Variants in FBXW9 observed in about 807,000 individuals in gnomAD.
FBXW9 encodes F-box and WD repeat domain containing 9, also known as F-box/WD repeat-containing protein 9.
A neutral mutation model predicts 55.8 loss-of-function variants in FBXW9; 38 were observed. The ratio of observed to expected loss-of-function variants is 0.68; its 90% CI spans 0.53 to 0.89. The LOEUF is 0.89. Ranked by LOEUF, FBXW9 falls within the 40% of genes least tolerant of loss-of-function variation. The pLI is 0.00. For synonymous variants in FBXW9, 289 were observed against 278.2 expected, an observed-to-expected ratio of 1.04 and a Z score of -0.38; for missense variants, 590 against 619.4, an observed-to-expected ratio of 0.95 and a Z score of 0.50.
In FBXW9 at chr19:12,689,726, G is replaced by A. The variant is rs866477826; in HGVS notation, c.1146+35C>T. The A allele has an allele frequency of 3.1e-6, 5 of 1,609,832 alleles. No individual in the cohort carries two copies. Among genetic ancestry groups the A allele is most frequent in the Non-Finnish European group, 3.4e-6 (4 of 1,176,426 alleles). Reference sequence around the variant, plus strand: ...GGCTCGGGTAGGAAGGAAGCCCGGGGGGAGGGACAGTCAGGGGCAGGAGCT... The same window carrying A: ...GGCTCGGGTAGGAAGGAAGCCCGGGAGGAGGGACAGTCAGGGGCAGGAGCT... On this transcript the variant is annotated intron_variant, in intron 7 of 9. Transcript: ENST00000393261. This position sits in a 1 kb window ranked among gnomAD's most constrained non-coding sequence, Gnocchi z 5.9.
Position 12,696,491 on chromosome 19 carries a change from T to C in FBXW9, c.91A>G (p.Lys31Glu), listed in dbSNP as rs754133669. 1.2e-6 allele frequency: 2 copies of C among 1,612,794 alleles called. No homozygotes were observed. Among genetic ancestry groups the C allele is most frequent in the Admixed American group, 1.7e-5 (1 of 60,024 alleles). The change falls in exon 1 of 10, where the codon AAG becomes GAG. Residue 31 changes from lysine (K) to glutamate (E), a missense_variant. Coordinates refer to ENST00000393261, the MANE Select transcript of FBXW9 (RefSeq NM_032301.3). ...CTGAGAACGCGGGCCACGTAGGCCT[T>C]GGCCTGCGCGTCTGGGTCTGTCTCT... ...ESETDPDAQA[K>E]AYVARVLSPP...
rs766773227 is a variant in FBXW9, at chr19:12,689,861, A to G, written c.1046T>C (p.Leu349Pro). Reference protein sequence around the residue: ...VLQRLQLDSYLLCMSYQEPQL... With the variant: ...VLQRLQLDSYPLCMSYQEPQL... ...GGGTTCCTGGTAGGACATGCAGAGC[A>G]GGTAGGAGTCCAGCTACGAGAGGGA... is the stretch of plus-strand genomic sequence containing the variant. Residue 349 changes from leucine to proline, a missense_variant, in exon 7 of 10, where the codon CTG becomes CCG. Transcript: ENST00000393261. This position sits in a 1 kb window ranked among gnomAD's most constrained non-coding sequence, Gnocchi z 5.9. 1 of 1,614,084 alleles carries G rather than the reference A, an allele frequency of 6.2e-7. No homozygotes were observed. Among genetic ancestry groups the G allele is most frequent in the South Asian group, 1.1e-5 (1 of 91,090 alleles).
At chr19:12,693,882 C>T (rs1258471322) in intron 3 of FBXW9, among the ~76,000 whole-genome samples, 1 of 150,456 alleles carries the variant, frequency 6.6e-6, no homozygotes, top group Non-Finnish European at 1.5e-5. Context: ...CAGAGGGAGA[C>T]TCTGTCTCAA....
At chr19:12,693,529 A>AATAT (rs1386860076) in intron 3 of FBXW9, among the ~76,000 whole-genome samples, 2 of 21,270 alleles carry the variant, frequency 9.4e-5, no homozygotes, top group African/African-American at 2.3e-4. Context: ...AAAAAAAAAA[A>AATAT]ATATATATAT....
intron 3 of FBXW9, 58 bp downstream of exon 3, chr19:12,694,536 C>A (rs1477744259): frequency 3.2e-6 from 5 of 1,576,852 alleles, no homozygotes; most frequent in Admixed American, 3.5e-5. Context: ...AAACCTGGGG[C>A]CTTAACCAAG....
rs929558780 is a variant in FBXW9, at chr19:12,696,133, C to A, written c.409+40G>T. On this transcript the variant is annotated intron_variant, in intron 1 of 9. Coordinates refer to ENST00000393261, the MANE Select transcript of FBXW9 (RefSeq NM_032301.3). The stretch of plus-strand genomic sequence containing the variant: ...CCGCCCCAAGCCTGACCTGGGCGGG[C>A]GCCCCCGGCCCCCGGTCCCCGGCCC... The A allele has an allele frequency of 2.4e-4, 356 of 1,491,100 alleles. 1 individual carries two copies. Among genetic ancestry groups the A allele is most frequent in the Non-Finnish European group, 3.0e-4 (340 of 1,129,070 alleles). 92.4% of individuals were successfully genotyped at this position (1,491,100 alleles called of 1,614,324 possible).
intron 5 of FBXW9, 55 bp from the exon 6 acceptor site, chr19:12,690,165 C>CG: frequency 6.2e-7 from 1 of 1,609,092 alleles, no homozygotes; most frequent in Non-Finnish European, 8.5e-7. Context: ...GAAGGCCCCC[C>CG]CCAGCCCATG....
Position 12,696,501 on chromosome 19 carries a change from G to C in FBXW9, c.81C>G (p.Asp27Glu), listed in dbSNP as rs151118454. ...GGGCCACGTAGGCCTTGGCCTGCGC[G>C]TCTGGGTCTGTCTCTGACTCTGGGT... The part of the protein sequence containing the change: ...DSDPESETDP[D>E]AQAKAYVARV... Residue 27 changes from aspartate (D) to glutamate (E), a missense_variant, in exon 1 of 10, where the codon GAC becomes GAG. By Grantham distance (45) the Asp-to-Glu change is conservative. Coordinates refer to ENST00000393261, the MANE Select transcript of FBXW9 (RefSeq NM_032301.3). 8.7e-6 allele frequency: 14 copies of C among 1,612,726 alleles called. No individual in the cohort carries two copies. Among genetic ancestry groups the C allele is most frequent in the Non-Finnish European group, 1.2e-5 (14 of 1,180,004 alleles).
In FBXW9 at chr19:12,696,527, C is replaced by A; in HGVS notation, c.55G>T (p.Asp19Tyr). The change falls in exon 1 of 10, where the codon GAC becomes TAC. Residue 19 changes from aspartate (D) to tyrosine (Y), a missense_variant. Physicochemically the swap from Asp to Tyr is radical, Grantham distance 160. Coordinates refer to ENST00000393261, the MANE Select transcript of FBXW9 (RefSeq NM_032301.3). ...TCTGGGTCTGTCTCTGACTCTGGGTCCGAGTCATCGTCCCAGGTGCGGGAA... is the reference window on the plus strand; with the variant it reads ...TCTGGGTCTGTCTCTGACTCTGGGTACGAGTCATCGTCCCAGGTGCGGGAA... ...DDSRTWDDDSDPESETDPDAQ... is the reference protein window; with the variant it reads ...DDSRTWDDDSYPESETDPDAQ... The A allele has an allele frequency of 2.5e-6, 4 of 1,612,684 alleles. No individual in the cohort carries two copies. The highest frequency in any genetic ancestry group is 3.4e-6 in the Non-Finnish European group (4 of 1,180,000).
intron 3 of FBXW9, among the ~76,000 whole-genome samples, chr19:12,694,016 T>C (rs2145409349): frequency 6.7e-6 from 1 of 149,320 alleles, no homozygotes; most frequent in Middle Eastern, 3.8e-3. Flanking sequence ...GGTGAAACCC[T>C]GTCTCTACCA....
intron 3 of FBXW9, among the ~76,000 whole-genome samples, chr19:12,693,516 AAAAAAAAAAAAAAATAT>A (rs1283422895): frequency 3.2e-5 from 1 of 31,174 alleles, no homozygotes; most frequent in African/African-American, 1.2e-4. Context: ...AAAAAAAAAA[AAAAAAAAAAAAAAATAT>A]ATATATATAT....
intron 3 of FBXW9, among the ~76,000 whole-genome samples, chr19:12,693,954 C>T (rs1389400626): frequency 1.3e-5 from 2 of 151,492 alleles, no homozygotes; most frequent in East Asian, 3.9e-4. Flanking sequence ...CTTTGGGAGG[C>T]TGAGGCGGGC....
intron 5 of FBXW9, 47 bp from the exon 6 acceptor site, chr19:12,690,157 A>AG: frequency 1.9e-6 from 3 of 1,610,460 alleles, no homozygotes; most frequent in Non-Finnish European, 2.5e-6. Context: ...AGCCCCTCGA[A>AG]GGCCCCCCCC....
chr19:12,689,333 T>G lies in FBXW9; in HGVS notation c.1302+39A>C. The G allele has an allele frequency of 6.2e-7, 1 of 1,614,144 alleles. No individual in the cohort carries two copies. Among genetic ancestry groups the G allele is most frequent in the African/African-American group, 1.3e-5 (1 of 75,038 alleles). On this transcript the variant is annotated intron_variant, in intron 9 of 9. Coordinates refer to ENST00000393261, the MANE Select transcript of FBXW9 (RefSeq NM_032301.3). The surrounding 1 kb of genome is among the most constrained non-coding windows in gnomAD (Gnocchi z 5.9). ...CATGAGGAGTCAGGGACGATGGCGCTCTGGCCAGCTGGGCAGGGCACATGG... is the reference window on the plus strand; with the variant it reads ...CATGAGGAGTCAGGGACGATGGCGCGCTGGCCAGCTGGGCAGGGCACATGG...
Position 12,692,832 on chromosome 19 carries a change from T to A in FBXW9, c.679-1378A>T, listed in dbSNP as rs148008152. Among the ~76,000 whole-genome samples the A allele has an allele frequency of 2.6e-5, 4 of 152,266 alleles. No individual in the cohort carries two copies. In the East Asian group the frequency reaches 7.7e-4, roughly 29 times the overall value. On this transcript the variant is annotated intron_variant, in intron 3 of 9. Coordinates refer to ENST00000393261, the MANE Select transcript of FBXW9 (RefSeq NM_032301.3). ...AGCAACTAACTGCACCCTGGCCCAATAACATTTCTAAGTCAAGTTCTGCAA... is the reference window on the plus strand; with the variant it reads ...AGCAACTAACTGCACCCTGGCCCAAAAACATTTCTAAGTCAAGTTCTGCAA...
chr19:12,693,283 T>A (rs2025028021), intron 3 of FBXW9, among the ~76,000 whole-genome samples: 1 of 151,568 alleles, frequency 6.6e-6, no homozygotes, highest in South Asian at 2.1e-4. Flanking sequence ...AGTTGGCTGA[T>A]CTCCAAGGGT....
Position 12,696,378 on chromosome 19 carries a change from C to T in FBXW9, c.204G>A (p.Ala68=). 6.2e-7 allele frequency: 1 copy of T among 1,610,494 alleles called. No homozygotes were observed. Among genetic ancestry groups the T allele is most frequent in the Non-Finnish European group, 8.5e-7 (1 of 1,179,036 alleles). The change falls in exon 1 of 10, where the codon GCG becomes GCA. Residue 68 remains alanine (A), a synonymous_variant. Coordinates refer to ENST00000393261, the MANE Select transcript of FBXW9 (RefSeq NM_032301.3). ...ASPSASEPRA[A]SRVSAVSEPG... ...GCTCACTTACGGCCGAAACCCTGGA[C>T]GCGGCCCGAGGCTCCGAAGCGCTCG...
chr19:12,691,172 G>A lies in FBXW9; in HGVS notation c.877C>T (p.Pro293Ser), dbSNP rs1325017812. The A allele has an allele frequency of 1.9e-6, 3 of 1,613,962 alleles. No individual in the cohort carries two copies. Among genetic ancestry groups the A allele is most frequent in the Admixed American group, 3.3e-5 (2 of 60,004 alleles). ...TYDKKVTIYD[P>S]RAGPALLKHQ... is the part of the protein sequence containing the mutation. ...CCCAGGACCCTTGGCCCACCTCTGG[G>A]GTCGTAGATGGTCACCTTCTTGTCA... is the stretch of plus-strand genomic sequence containing the variant. Residue 293 changes from proline (P) to serine (S), a missense_variant, in exon 5 of 10, where the codon CCC (proline) becomes TCC (serine). Physicochemically the swap from Pro to Ser is moderately conservative, Grantham distance 74 (BLOSUM62 -1). Transcript: ENST00000393261.
In FBXW9 at chr19:12,691,412, A is replaced by G; in HGVS notation, c.721T>C (p.Ser241Pro). The G allele has an allele frequency of 6.2e-7, 1 of 1,606,758 alleles. No homozygotes were observed. Among genetic ancestry groups the G allele is most frequent in the East Asian group, 2.3e-5 (1 of 44,328 alleles). ...SLAAQDHRVC[S>P]GSWDSTVKLW... ...TTCACTGTGCTGTCCCAGGAGCCGGAGCACACGCGGTGGTCCTGCGCTGCC... is the reference window on the plus strand; with the variant it reads ...TTCACTGTGCTGTCCCAGGAGCCGGGGCACACGCGGTGGTCCTGCGCTGCC... The change falls in exon 4 of 10, where the codon TCC (serine) becomes CCC (proline). Residue 241 changes from serine to proline, a missense_variant. Physicochemically the swap from Ser to Pro is moderately conservative, Grantham distance 74. Transcript: ENST00000393261.
Sources: allele counts gnomAD v4.1 joint callset (sites outside exome capture counted in the v4.1 genomes callset), GRCh38; gene constraint gnomAD v4.1.1; non-coding constraint Gnocchi (gnomAD v3.1); transcripts MANE v1.5; gene names NCBI Gene and HGNC (gene_info 2026-07-23, HGNC 2026-07-21).